Variants in NKAIN2 observed in about 807,000 individuals in gnomAD.
The protein encoded by NKAIN2 is sodium/potassium-transporting ATPase subunit beta-1-interacting protein 2.
Under a neutral mutation model 32.6 loss-of-function variants are expected in NKAIN2, and 14 were observed. The observed-to-expected ratio is 0.43, with a 90% confidence interval of 0.28 to 0.67. The LOEUF is 0.67. NKAIN2 is among the 30% of genes least tolerant of loss of function. NKAIN2 has a pLI of 0.17. For missense variants in NKAIN2, 198 were observed against 258.3 expected (o/e 0.77, Z 1.60); for synonymous variants, 80 against 87.2 (o/e 0.92, Z 0.46).
At chr6:124,113,623 G>A (rs891591495) in intron 1 of NKAIN2, among the ~76,000 whole-genome samples, 8 of 143,750 alleles carry the variant, frequency 5.6e-5, no homozygotes, top group African/African-American at 2.0e-4. Context: ...CCCCCGCCCC[G>A]ACTCCCCACC....
chr6:124,694,423 G>A (rs116978501), intron 4 of NKAIN2, among the ~76,000 whole-genome samples: 1,812 of 152,294 alleles, frequency 0.012, 23 homozygotes, highest in Non-Finnish European at 0.017. Flanking sequence ...ATTGGAACCG[G>A]CAGGAGTAAA....
chr6:123,867,862 ATTTT>A (rs1201240894), intron 1 of NKAIN2, among the ~76,000 whole-genome samples: 2 of 129,196 alleles, frequency 1.5e-5, no homozygotes, highest in Non-Finnish European at 1.7e-5. Context: ...TACTGGGTTC[ATTTT>A]TTTTTTTTTT....
At chr6:124,541,144 CCTCT>C (rs568974005) in intron 3 of NKAIN2, among the ~76,000 whole-genome samples, 5 of 152,202 alleles carry the variant, frequency 3.3e-5, no homozygotes, top group Admixed American at 3.3e-4. Context: ...CACACACCTC[CCTCT>C]GTCAGCCAGT....
At chr6:124,390,651 A>G (rs890603835) in intron 3 of NKAIN2, 3 of 152,268 alleles carry the variant, frequency 2.0e-5, no homozygotes, top group East Asian at 1.9e-4. Context: ...TGCAAGGAAG[A>G]TGAACATATG....
At chr6:124,692,632 C>T (rs141072967) in intron 4 of NKAIN2, among the ~76,000 whole-genome samples, 197 of 152,018 alleles carry the variant, frequency 1.3e-3, no homozygotes, top group Non-Finnish European at 2.2e-3. Flanking sequence ...CTGGCTAACA[C>T]AGTGAAACCC....
In NKAIN2 at chr6:123,914,214, C is replaced by T. The variant is rs542807749; in HGVS notation, c.54+109960C>T. 2.0e-5 allele frequency among the ~76,000 whole-genome samples: 3 copies of T among 150,120 alleles called. No homozygotes were observed. The South Asian group carries it at 6.4e-4, about 32-fold the overall frequency. Reference sequence around the variant, plus strand: ...CATAAGACCTCTTCTTTGTGTATGACGAGAGAGAGAGAGACAGACAGACAG... The same window carrying T: ...CATAAGACCTCTTCTTTGTGTATGATGAGAGAGAGAGAGACAGACAGACAG... On this transcript the variant is annotated intron_variant, in intron 1 of 6. Coordinates refer to ENST00000368417, the MANE Select transcript of NKAIN2 (RefSeq NM_001040214.3).
chr6:124,659,427 CTATG>C (rs1784663575), intron 4 of NKAIN2, among the ~76,000 whole-genome samples: 1 of 151,154 alleles, frequency 6.6e-6, no homozygotes. Context: ...AAAAAAAAAA[CTATG>C]TGAGTGTGTC....
intron 3 of NKAIN2, among the ~76,000 whole-genome samples, chr6:124,460,148 G>A (rs1033431967): frequency 1.3e-5 from 2 of 151,654 alleles, no homozygotes; most frequent in Non-Finnish European, 3.0e-5. Context: ...GAGTTCTTTA[G>A]CCTTCAGGTT....
intron 1 of NKAIN2, among the ~76,000 whole-genome samples, chr6:124,127,120 G>A (rs1443946533): frequency 4.6e-5 from 7 of 152,168 alleles, no homozygotes; most frequent in Non-Finnish European, 1.0e-4. Flanking sequence ...ATGTGTTATA[G>A]ACTTAACATT....
intron 1 of NKAIN2, among the ~76,000 whole-genome samples, chr6:124,195,454 C>CT (rs1790268904): frequency 6.6e-6 from 1 of 152,096 alleles, no homozygotes; most frequent in African/African-American, 2.4e-5. Context: ...CTACAGCTTT[C>CT]TGCCCACACT....
At position 124,521,927 on chromosome 6, in the gene NKAIN2, C is replaced by T. The variant is rs148288732; in HGVS notation, c.274-136259C>T. On this transcript the variant is annotated intron_variant, in intron 3 of 6. Transcript: ENST00000368417. ...ATTTTCCTATCCTTAAAATCATTTC[C>T]ACCCTCTTTAATGATCCATCTTATG... Among the ~76,000 whole-genome samples, 245 of 152,052 alleles carry T rather than the reference C, an allele frequency of 1.6e-3. 2 individuals carry two copies. The highest frequency in any genetic ancestry group is 3.0e-3 in the Non-Finnish European group (204 of 67,972).
At chr6:124,547,650 T>G (rs1363083785) in intron 3 of NKAIN2, among the ~76,000 whole-genome samples, 5 of 152,162 alleles carry the variant, frequency 3.3e-5, no homozygotes, top group Admixed American at 1.3e-4. Flanking sequence ...AAGCCCCAGT[T>G]TTATACTATT....
intron 3 of NKAIN2, among the ~76,000 whole-genome samples, chr6:124,410,189 C>T (rs1368244913): frequency 6.6e-6 from 1 of 152,076 alleles, no homozygotes; most frequent in Non-Finnish European, 1.5e-5. Flanking sequence ...GTGTCTCTCT[C>T]TCCTTCAGTT....
At chr6:124,444,934 A>G (rs1003474052) in intron 3 of NKAIN2, among the ~76,000 whole-genome samples, 5 of 152,020 alleles carry the variant, frequency 3.3e-5, no homozygotes, top group African/African-American at 4.8e-5. Flanking sequence ...AATTATTTGG[A>G]AGCAAAAAAA....
At chr6:124,153,101 G>A (rs802250) in intron 1 of NKAIN2, among the ~76,000 whole-genome samples, 143,627 of 151,922 alleles carry the variant, frequency 0.95, 67,946 homozygotes, top group East Asian at 1. Flanking sequence ...GTAGGAAAAT[G>A]ACAGTTAACA....
intron 1 of NKAIN2, among the ~76,000 whole-genome samples, chr6:124,131,849 G>T (rs898859704): frequency 6.6e-6 from 1 of 152,120 alleles, no homozygotes; most frequent in Admixed American, 6.5e-5. Flanking sequence ...TGAATTTTAT[G>T]ATCACTTCTA....
chr6:124,501,249 G>A (rs1010961633), intron 3 of NKAIN2, among the ~76,000 whole-genome samples: 3 of 151,980 alleles, frequency 2.0e-5, no homozygotes, highest in Non-Finnish European at 1.5e-5. Flanking sequence ...GACTTACTGT[G>A]GGAACTTGAG....
At chr6:124,272,800 G>C (rs114005292) in intron 1 of NKAIN2, among the ~76,000 whole-genome samples, 6,243 of 152,236 alleles carry the variant, frequency 0.041, 389 homozygotes, top group African/African-American at 0.14. Flanking sequence ...CCAAGGCCTT[G>C]GGAGCCCACC....
chr6:124,058,247 A>G (rs539340131), intron 1 of NKAIN2, among the ~76,000 whole-genome samples: 48 of 148,396 alleles, frequency 3.2e-4, no homozygotes, highest in Non-Finnish European at 4.9e-4. Context: ...ACTCAGTTAT[A>G]ATTTCTATAG....
Sources: gnomAD v4.1 joint callset for allele counts (sites outside exome capture counted in the v4.1 genomes callset) on GRCh38, gnomAD v4.1.1 for gene constraint, MANE v1.5 for transcripts, NCBI Gene and HGNC (gene_info 2026-07-23, HGNC 2026-07-21) for gene names.